Variants in NBPF9 observed in about 807,000 individuals in gnomAD.
NBPF9 encodes NBPF member 9, also known as NBPF family member NBPF9.
Under a neutral mutation model 97.8 loss-of-function variants are expected in NBPF9, and 91 were observed. The observed-to-expected ratio is 0.93, with a 90% CI of 0.79 to 1.11. The LOEUF (loss-of-function observed/expected upper bound fraction) is 1.11, where lower values mean the gene tolerates loss of function less well. Ranked by LOEUF, NBPF9 falls within the 50% of genes least tolerant of loss-of-function variation. The pLI, the probability that NBPF9 is intolerant of heterozygous loss-of-function variation, is 0.00. For missense variants in NBPF9, 992 were observed against 939.5 expected (o/e 1.06, Z -0.73); for synonymous variants, 334 against 359.5 (o/e 0.93, Z 0.80).
intron 5 of NBPF9, chr1:149,090,343 G>C (rs1164329139): frequency 5.8e-6 from 1 of 171,612 alleles, no homozygotes. Flanking sequence ...TGGTATTTCA[G>C]ATAAGACACT....
chr1:149,102,074 A>T (rs2152928699), intron 2 of NBPF9, among the ~76,000 whole-genome samples: 1 of 104,018 alleles, frequency 9.6e-6, no homozygotes, highest in Admixed American at 1.0e-4. Flanking sequence ...GACTACAGGC[A>T]CACACCACCA....
intron 5 of NBPF9, among the ~76,000 whole-genome samples, chr1:149,089,920 C>A (rs1390347516): frequency 2.0e-5 from 3 of 152,122 alleles, no homozygotes; most frequent in Non-Finnish European, 4.4e-5. Flanking sequence ...GAACCACAGA[C>A]CGCACGGCCC....
At position 149,067,374 on chromosome 1, in the gene NBPF9, A is replaced by G. The variant is rs1309348330; in HGVS notation, c.1638-1685T>C. Among the ~76,000 whole-genome samples, 31 of 129,756 alleles carry G rather than the reference A, an allele frequency of 2.4e-4. No individual in the cohort carries two copies. The East Asian group carries it at 6.9e-3, about 29-fold the overall frequency. 85.1% of individuals were successfully genotyped at this position (129,756 alleles called of 152,430 possible). ...TGTGCACAACGTGCAGGTTAGTTAC[A>G]TATGTATACATGTCCACATTGGTGT... On this transcript the variant is annotated intron_variant, in intron 17 of 29. Coordinates refer to ENST00000584027, the Ensembl canonical transcript of NBPF9.
chr1:149,099,903 G>A (rs1273311029), intron 3 of NBPF9, among the ~76,000 whole-genome samples: 2 of 149,852 alleles, frequency 1.3e-5, no homozygotes, highest in African/African-American at 4.9e-5. Context: ...GACTGCTTGA[G>A]CCTGAGAGGT....
intron 5 of NBPF9, among the ~76,000 whole-genome samples, chr1:149,083,122 C>A (rs1292034568): frequency 2.0e-5 from 3 of 151,572 alleles, no homozygotes; most frequent in African/African-American, 7.3e-5. Flanking sequence ...TCTCTTTACT[C>A]AGGTGGGTAT....
At chr1:149,101,205 G>A (rs1233868266) in intron 3 of NBPF9, 57 bp downstream of exon 3, 3 of 151,456 alleles carry the variant, frequency 2.0e-5, no homozygotes, top group African/African-American at 7.3e-5. Flanking sequence ...TATGCAATGT[G>A]GCAAAACCCC....
At chr1:149,088,790 A>G (rs71267368) in intron 5 of NBPF9, among the ~76,000 whole-genome samples, 58 of 151,962 alleles carry the variant, frequency 3.8e-4, no homozygotes, top group African/African-American at 1.3e-3. Context: ...AGGCTGAGGC[A>G]GGCGGATCAC....
At chr1:149,071,802 T>C (rs2079434036) in intron 14 of NBPF9, 126 bp from the exon 15 acceptor site, 2 of 653,690 alleles carry the variant, frequency 3.1e-6, no homozygotes, top group East Asian at 3.0e-5. Context: ...AACTCTCATG[T>C]TTTATCTTTA....
chr1:149,087,338 C>A (rs1559541260), intron 5 of NBPF9, among the ~76,000 whole-genome samples: 2 of 149,624 alleles, frequency 1.3e-5, no homozygotes, highest in African/African-American at 5.0e-5. Context: ...TATATACACA[C>A]ACACACACAC....
At chr1:149,067,981 T>G in intron 17 of NBPF9, among the ~76,000 whole-genome samples, 1 of 145,644 alleles carries the variant, frequency 6.9e-6, no homozygotes, top group South Asian at 2.2e-4. Flanking sequence ...TTCAACATTC[T>G]TAAAGAAAAG....
Position 149,074,872 on chromosome 1 carries a change from C to G in NBPF9, c.988+783G>C, listed in dbSNP as rs587744606. The stretch of plus-strand genomic sequence containing the variant: ...TGTCGCCCAGGCTGGAGTGCAATGG[C>G]AAAACCTTGGCTCACTGCAACCTCA... On this transcript the variant is annotated intron_variant, in intron 12 of 29. Coordinates refer to ENST00000584027, the Ensembl canonical transcript of NBPF9. 4.5e-4 allele frequency among the ~76,000 whole-genome samples: 68 copies of G among 151,288 alleles called. No homozygotes were observed. The Middle Eastern group carries it at 0.01, about 23-fold the overall frequency.
chr1:149,077,264 A>C (rs1431410563), exon 11 of NBPF9: 2 of 1,589,954 alleles, frequency 1.3e-6, no homozygotes, highest in Non-Finnish European at 1.7e-6. Flanking sequence ...TCTGTCTACA[A>C]CCAGAGTTGA....
intron 12 of NBPF9, among the ~76,000 whole-genome samples, chr1:149,074,776 T>TTCA (rs2079707255): frequency 6.6e-6 from 1 of 150,946 alleles, no homozygotes; most frequent in African/African-American, 2.4e-5. Flanking sequence ...ACCAAGCTAC[T>TTCA]CTCTGCTTTT....
At position 149,079,291 on chromosome 1, in the gene NBPF9, A is replaced by G. The variant is rs1174275734; in HGVS notation, c.279-70T>C. On this transcript the variant is annotated intron_variant, in intron 8 of 29. Coordinates refer to ENST00000584027, the Ensembl canonical transcript of NBPF9. ...GTGATCCGTTCAAATATTGCAACAG[A>G]GACTTCTGAGATAATGTCCTCAAGG... 2.1e-4 allele frequency: 271 copies of G among 1,313,970 alleles called. 2 individuals are homozygous for G. The highest frequency in any genetic ancestry group is 2.7e-4 in the Non-Finnish European group (245 of 919,206). The allele number at this position is 1,313,970 out of a possible 1,614,324, so 81.4% of individuals were successfully genotyped here.
chr1:149,064,656 G>A (rs587627587), intron 18 of NBPF9, 174 bp from the exon 19 acceptor site: 1 of 615,902 alleles, frequency 1.6e-6, no homozygotes. Context: ...AACTGGCTTG[G>A]GTTCTTTCAT....
At chr1:149,099,726 TG>T (rs1243278518) in intron 3 of NBPF9, among the ~76,000 whole-genome samples, 6 of 152,166 alleles carry the variant, frequency 3.9e-5, no homozygotes, top group African/African-American at 7.2e-5. Context: ...GGCTTATGCC[TG>T]TAATCCCAAC....
At position 149,074,863 on chromosome 1, in the gene NBPF9, G is replaced by A. The variant is rs587646760; in HGVS notation, c.988+792C>T. Among the ~76,000 whole-genome samples, 133 of 151,184 alleles carry A rather than the reference G, an allele frequency of 8.8e-4. 7 individuals are homozygous for A. In the South Asian group the frequency reaches 0.027, roughly 31 times the overall value. On this transcript the variant is annotated intron_variant, in intron 12 of 29. Transcript: ENST00000584027. The stretch of plus-strand genomic sequence containing the variant: ...GTCTTGCCCTGTCGCCCAGGCTGGA[G>A]TGCAATGGCAAAACCTTGGCTCACT...
At chr1:149,089,840 T>C (rs1158332547) in intron 5 of NBPF9, among the ~76,000 whole-genome samples, 1 of 152,388 alleles carries the variant, frequency 6.6e-6, no homozygotes, top group East Asian at 1.9e-4. Flanking sequence ...CGCTCAATTA[T>C]GGGTTGAAGA....
intron 5 of NBPF9, among the ~76,000 whole-genome samples, chr1:149,086,352 T>C (rs2081000752): frequency 6.6e-6 from 1 of 150,382 alleles, no homozygotes; most frequent in African/African-American, 2.4e-5. Context: ...GAGTTTTGCC[T>C]AGGTTTTTCC....
Sources: gnomAD v4.1 joint callset for allele counts (sites outside exome capture counted in the v4.1 genomes callset) on GRCh38, gnomAD v4.1.1 for gene constraint, MANE v1.5 for transcripts, NCBI Gene and HGNC (gene_info 2026-07-23, HGNC 2026-07-21) for gene names.